The following FRA10AC1 variants were observed in gnomAD, a reference collection of about 807,000 sequenced individuals.
FRA10AC1 encodes the protein FRA10A associated CGG repeat 1.
Under a neutral mutation model 56.5 loss-of-function variants are expected in FRA10AC1, and 43 were observed. The observed-to-expected ratio is 0.76, with a 90% CI of 0.60 to 0.98. The LOEUF is 0.98. Among genes scored for constraint, FRA10AC1 ranks in the 50% least tolerant of loss-of-function variants. The pLI is 0.00. For missense variants in FRA10AC1, 346 were observed against 351.8 expected (o/e 0.98, Z 0.13); for synonymous variants, 112 against 110.5 (o/e 1.01, Z -0.09).
At chr10:93,701,596 C>T (rs2059333162) in intron 1 of FRA10AC1, among the ~76,000 whole-genome samples, 3 of 152,128 alleles carry the variant, frequency 2.0e-5, no homozygotes. Context: ...TAGGAAGATG[C>T]TAGTTAAGGT....
At chr10:93,697,911 A>G (rs923979698) in intron 4 of FRA10AC1, among the ~76,000 whole-genome samples, 1 of 152,310 alleles carries the variant, frequency 6.6e-6, no homozygotes. Flanking sequence ...AAACCTATTT[A>G]TAGAGTACTA....
intron 8 of FRA10AC1, among the ~76,000 whole-genome samples, chr10:93,685,712 AC>A (rs942866224): frequency 2.6e-5 from 4 of 151,832 alleles, no homozygotes; most frequent in South Asian, 2.1e-4. Context: ...AACAAAAAAA[AC>A]AACATACTCA....
At chr10:93,689,607 C>T (rs1037300892) in intron 7 of FRA10AC1, among the ~76,000 whole-genome samples, 3 of 152,056 alleles carry the variant, frequency 2.0e-5, no homozygotes, top group Admixed American at 6.6e-5. Context: ...GCTTGGCATT[C>T]CACTGAGGAT....
rs971699309 is a variant in FRA10AC1 at position 93,681,566 on chromosome 10, T to C, written c.701A>G (p.Asp234Gly). The C allele has an allele frequency of 1.2e-5, 18 of 1,559,080 alleles. No homozygotes were observed. In the East Asian group the frequency reaches 1.2e-4, roughly 10 times the overall value. Reference sequence around the variant, plus strand: ...CTCTTCACAGTCTTTTTTGGTTTTATCTTTTCTTTTTTTTGACTTGATTTC... The same window carrying C: ...CTCTTCACAGTCTTTTTTGGTTTTACCTTTTCTTTTTTTTGACTTGATTTC... ...RKEIKSKKRK[D>G]KTKKDCEESS... The change falls in exon 11 of 14, where the codon GAT becomes GGT. Residue 234 changes from aspartate to glycine, a missense_variant. By Grantham distance (94) the Asp-to-Gly change is moderately conservative. Coordinates refer to ENST00000359204, the MANE Select transcript of FRA10AC1 (RefSeq NM_145246.5).
At chr10:93,683,398 T>A (rs1338140466) in intron 10 of FRA10AC1, among the ~76,000 whole-genome samples, 1 of 152,078 alleles carries the variant, frequency 6.6e-6, no homozygotes, top group Admixed American at 6.6e-5. Flanking sequence ...GTTGCTAGGC[T>A]GGAATGCAGT....
chr10:93,687,090 A>T (rs1378324231), intron 8 of FRA10AC1, among the ~76,000 whole-genome samples: 1 of 151,694 alleles, frequency 6.6e-6, no homozygotes, highest in Non-Finnish European at 1.5e-5. Flanking sequence ...TAAAGAAAGG[A>T]AAAAAATAAA....
intron 7 of FRA10AC1, among the ~76,000 whole-genome samples, chr10:93,690,182 T>C (rs1427912938): frequency 2.0e-5 from 3 of 152,272 alleles, no homozygotes; most frequent in African/African-American, 7.2e-5. Context: ...CCAAAGGCAT[T>C]ACTCTTTCTC....
Position 93,669,692 on chromosome 10 carries a change from T to C in FRA10AC1, c.*134A>G. ...AAGCCTCTGACATTCTGAGAGAACC[T>C]GGATTTTTATTTCCAAAGACAAACC... On this transcript the variant is annotated 3_prime_UTR_variant, in exon 14 of 14. Coordinates refer to ENST00000359204, the MANE Select transcript of FRA10AC1 (RefSeq NM_145246.5). 1.5e-6 allele frequency: 1 copy of C among 651,854 alleles called. No homozygotes were observed. 40.4% of individuals were successfully genotyped at this position (651,854 alleles called of 1,614,324 possible).
chr10:93,680,721 C>G (rs2058919776), intron 11 of FRA10AC1, among the ~76,000 whole-genome samples: 2 of 152,060 alleles, frequency 1.3e-5, no homozygotes, highest in Non-Finnish European at 2.9e-5. Context: ...TTATTATGGG[C>G]TAAAAAAAGC....
chr10:93,675,381 A>G (rs1488098115), intron 12 of FRA10AC1: 1 of 152,190 alleles, frequency 6.6e-6, no homozygotes, highest in Non-Finnish European at 1.5e-5. Flanking sequence ...TTTTAAAGTC[A>G]TAAAAAATTT....
At chr10:93,671,696 A>G in intron 12 of FRA10AC1, 1 of 195,724 alleles carries the variant, frequency 5.1e-6, no homozygotes. Context: ...TCAAATTTTT[A>G]AAAAGTTACA....
intron 5 of FRA10AC1, among the ~76,000 whole-genome samples, chr10:93,694,280 G>A (rs909640369): frequency 6.6e-6 from 1 of 152,046 alleles, no homozygotes; most frequent in African/African-American, 2.4e-5. Context: ...GAAGACACAT[G>A]AGTATTCTTC....
chr10:93,701,033 G>A (rs577842066), intron 1 of FRA10AC1, among the ~76,000 whole-genome samples: 1 of 152,072 alleles, frequency 6.6e-6, no homozygotes, highest in East Asian at 1.9e-4. Flanking sequence ...AAGGGGTTTC[G>A]CCATGTTGCC....
intron 11 of FRA10AC1, among the ~76,000 whole-genome samples, chr10:93,679,367 T>C (rs1000249948): frequency 7.2e-5 from 11 of 152,132 alleles, no homozygotes; most frequent in Non-Finnish European, 1.3e-4. Context: ...TGTGTAATAA[T>C]GGAAAGTGTC....
chr10:93,673,118 C>T (rs2058791070), intron 12 of FRA10AC1: 1 of 309,034 alleles, frequency 3.2e-6, no homozygotes, highest in Non-Finnish European at 6.3e-6. Flanking sequence ...CATGCTGGAA[C>T]ACTCGCTACT....
chr10:93,691,001 CAAAT>C (rs1421009196), intron 7 of FRA10AC1, among the ~76,000 whole-genome samples: 14 of 152,184 alleles, frequency 9.2e-5, no homozygotes, highest in Admixed American at 5.9e-4. Context: ...ATTTAAATGA[CAAAT>C]AAATCTTCAT....
intron 1 of FRA10AC1, among the ~76,000 whole-genome samples, chr10:93,700,715 TTGA>T (rs1327524271): frequency 1.3e-5 from 2 of 152,222 alleles, no homozygotes; most frequent in African/African-American, 4.8e-5. Flanking sequence ...ACATCATCAA[TTGA>T]TGAAAATTTT....
chr10:93,680,096 T>C (rs1389501495), intron 11 of FRA10AC1, among the ~76,000 whole-genome samples: 5 of 152,214 alleles, frequency 3.3e-5, no homozygotes, highest in Admixed American at 2.6e-4. Context: ...ATCTACCTGA[T>C]CTACTTTGAT....
At chr10:93,696,351 A>T (rs549275211) in intron 4 of FRA10AC1, among the ~76,000 whole-genome samples, 3 of 152,332 alleles carry the variant, frequency 2.0e-5, no homozygotes. Flanking sequence ...GAGTCAGCCT[A>T]GCAAGACAAC....
Sources: gnomAD v4.1 joint callset for allele counts (sites outside exome capture counted in the v4.1 genomes callset) on GRCh38, gnomAD v4.1.1 for gene constraint, MANE v1.5 for transcripts, NCBI Gene and HGNC (gene_info 2026-07-23, HGNC 2026-07-21) for gene names.